TNRC6C: variants seen among roughly 807,000 people sequenced by gnomAD.
TNRC6C encodes trinucleotide repeat containing adaptor 6C, also known as trinucleotide repeat-containing gene 6C protein.
A neutral mutation model predicts 153.7 loss-of-function variants in TNRC6C; 20 were observed. The observed-to-expected ratio is 0.13, with a 90% CI of 0.09 to 0.19. The LOEUF (loss-of-function observed/expected upper bound fraction) is 0.19. Ranked by LOEUF, TNRC6C falls within the 10% of genes least tolerant of loss-of-function variation. The probability of loss-of-function intolerance (pLI) is 1.00; values close to 1 mark genes in which losing one functional copy is unlikely to be tolerated. For synonymous variants in TNRC6C, 811 were observed against 841.4 expected (o/e 0.96, Z 0.63); for missense variants, 1,987 against 2,172.0 (o/e 0.91, Z 1.69).
intron 1 of TNRC6C, among the ~76,000 whole-genome samples, chr17:77,991,670 C>G (rs1412899873): frequency 6.6e-6 from 1 of 152,164 alleles, no homozygotes; most frequent in African/African-American, 2.4e-5. Context: ...ATTTTGGGGT[C>G]TCTTTATTAT....
intron 1 of TNRC6C, among the ~76,000 whole-genome samples, chr17:78,020,623 G>T (rs1235636665): frequency 6.6e-6 from 1 of 152,192 alleles, no homozygotes; most frequent in African/African-American, 2.4e-5. Flanking sequence ...TGAGCCACAT[G>T]AATCATTTTA....
chr17:78,083,210 G>A, intron 11 of TNRC6C, 44 bp downstream of exon 13: 1 of 1,610,390 alleles, frequency 6.2e-7, no homozygotes, highest in Non-Finnish European at 8.5e-7. Flanking sequence ...CAGGCCGAGT[G>A]CAGATGCACG....
At chr17:78,095,061 A>G (rs1179094480) in intron 16 of TNRC6C, among the ~76,000 whole-genome samples, 1 of 152,170 alleles carries the variant, frequency 6.6e-6, no homozygotes, top group African/African-American at 2.4e-5. Flanking sequence ...AAATTAGCAT[A>G]TTTTGAGGGA....
At chr17:77,995,290 TG>T (rs1192476333) in intron 1 of TNRC6C, among the ~76,000 whole-genome samples, 2 of 152,194 alleles carry the variant, frequency 1.3e-5, no homozygotes, top group Non-Finnish European at 2.9e-5. Context: ...AGGCACTGTG[TG>T]TGCAGGGGTG....
chr17:78,092,815 G>T, intron 14 of TNRC6C, 118 bp from the exon 17 acceptor site: 1 of 731,812 alleles, frequency 1.4e-6, no homozygotes. Flanking sequence ...TCATGTAACT[G>T]AATAGGGCAA....
intron 1 of TNRC6C, among the ~76,000 whole-genome samples, chr17:77,982,538 T>G (rs769030897): frequency 6.6e-6 from 1 of 152,092 alleles, no homozygotes; most frequent in African/African-American, 2.4e-5. Context: ...GATCATAGAA[T>G]AGGAGGAACA....
exon 20 of TNRC6C, chr17:78,105,553 C>T (rs2073678487): frequency 6.6e-6 from 1 of 152,220 alleles, no homozygotes; most frequent in South Asian, 2.1e-4. Context: ...TCCAGGTTGA[C>T]ATCAGTACAC....
chr17:77,959,059 G>C (rs2070837541), upstream of TNRC6C, among the ~76,000 whole-genome samples: 1 of 143,742 alleles, frequency 7.0e-6, no homozygotes, highest in Non-Finnish European at 1.5e-5. Context: ...GGACCTGCCG[G>C]GACGCGCCGC....
chr17:77,974,397 C>T (rs75993720), intron 1 of TNRC6C, among the ~76,000 whole-genome samples: 1,738 of 152,202 alleles, frequency 0.011, 38 homozygotes, highest in African/African-American at 0.038. Flanking sequence ...TCTAAATCAT[C>T]TTTTGTTGGC....
intron 1 of TNRC6C, among the ~76,000 whole-genome samples, chr17:77,997,237 T>C (rs1004456381): frequency 6.6e-6 from 1 of 152,182 alleles, no homozygotes; most frequent in South Asian, 2.1e-4. Flanking sequence ...AATTAAATCC[T>C]GGGGCTGAAG....
intron 17 of TNRC6C, 101 bp from the exon 21 acceptor site, chr17:78,102,373 G>A (rs924748819): frequency 4.7e-5 from 52 of 1,094,892 alleles, no homozygotes; most frequent in Non-Finnish European, 5.5e-5. Context: ...ACGCAGTGAC[G>A]GCCTGTGCTG....
Position 78,075,116 on chromosome 17 carries a change from T to A in TNRC6C, c.2918-20T>A. On this transcript the variant is annotated intron_variant, in intron 7 of 19. Coordinates refer to ENST00000301624, the Ensembl canonical transcript of TNRC6C. The surrounding 1 kb of genome is among the most constrained non-coding windows in gnomAD (Gnocchi z 4.2). ...TCACTTGTTTTGTTTACAACATTGCTTCTGTTTGTTGTGCTCCAGGCGCTC... is the reference window on the plus strand; with the variant it reads ...TCACTTGTTTTGTTTACAACATTGCATCTGTTTGTTGTGCTCCAGGCGCTC... The A allele has an allele frequency of 6.2e-7, 1 of 1,611,968 alleles. No individual in the cohort carries two copies. The highest frequency in any genetic ancestry group is 8.5e-7 in the Non-Finnish European group (1 of 1,178,932).
intron 17 of TNRC6C, among the ~76,000 whole-genome samples, chr17:78,101,165 G>A (rs1459731169): frequency 6.6e-6 from 1 of 152,174 alleles, no homozygotes; most frequent in Non-Finnish European, 1.5e-5. Context: ...TTGCTGCTTA[G>A]AAATTTCTTC....
intron 1 of TNRC6C, among the ~76,000 whole-genome samples, chr17:78,009,351 T>G (rs889262515): frequency 6.6e-6 from 1 of 152,180 alleles, no homozygotes; most frequent in Admixed American, 6.5e-5. Context: ...CTGGGTGTTT[T>G]CATGGATTGA....
At chr17:78,031,104 C>T (rs983701598) in intron 1 of TNRC6C, among the ~76,000 whole-genome samples, 9 of 150,614 alleles carry the variant, frequency 6.0e-5, no homozygotes, top group Non-Finnish European at 1.2e-4. Context: ...CTGTCTCACA[C>T]TTAAAAAAAA....
chr17:78,101,454 G>C (rs2073592970), intron 17 of TNRC6C, among the ~76,000 whole-genome samples: 1 of 152,126 alleles, frequency 6.6e-6, no homozygotes, highest in South Asian at 2.1e-4. Flanking sequence ...ACCTCTGCCT[G>C]TTACCCAGTT....
chr17:78,034,789 C>G (rs1404940505), intron 2 of TNRC6C, among the ~76,000 whole-genome samples: 1 of 152,028 alleles, frequency 6.6e-6, no homozygotes, highest in Non-Finnish European at 1.5e-5. Context: ...GGTGACACAG[C>G]AAAACCCCCT....
At chr17:78,021,364 G>T (rs2071828474) in intron 1 of TNRC6C, among the ~76,000 whole-genome samples, 1 of 152,264 alleles carries the variant, frequency 6.6e-6, no homozygotes, top group Admixed American at 6.5e-5. Context: ...CAAGCCTGAT[G>T]TGCTTGTGCT....
chr17:78,037,008 A>G (rs764689177), intron 2 of TNRC6C, among the ~76,000 whole-genome samples: 14 of 152,144 alleles, frequency 9.2e-5, no homozygotes, highest in Non-Finnish European at 1.9e-4. Context: ...TATATAGAAT[A>G]TGCTTCCTAA....
Sources: allele counts gnomAD v4.1 joint callset (sites outside exome capture counted in the v4.1 genomes callset), GRCh38; gene constraint gnomAD v4.1.1; non-coding constraint Gnocchi (gnomAD v3.1); transcripts MANE v1.5; gene names NCBI Gene and HGNC (gene_info 2026-07-23, HGNC 2026-07-21).